KMT2A: variants seen among roughly 807,000 people sequenced by gnomAD.
The protein encoded by KMT2A is lysine methyltransferase 2A, also known as histone-lysine N-methyltransferase 2A.
A neutral mutation model predicts 345.3 loss-of-function variants in KMT2A; 16 were observed. That is an observed-to-expected ratio of 0.05 (90% CI 0.03 to 0.07). KMT2A has a LOEUF of 0.07. Among genes scored for constraint, KMT2A ranks in the 10% least tolerant of loss-of-function variants. KMT2A has a pLI of 1.00. For synonymous variants in KMT2A, 1,599 were observed against 1,778.6 expected (o/e 0.90, Z 2.54); for missense variants, 3,272 against 4,841.6 (o/e 0.68, Z 9.62).
At position 118,491,546 on chromosome 11, in the gene KMT2A, CAAT is replaced by C. The variant is rs1205048349; in HGVS notation, c.4820-195_4820-193del. On this transcript the variant is annotated intron_variant, in intron 14 of 35. Coordinates refer to ENST00000534358, the MANE Select transcript of KMT2A (RefSeq NM_001197104.2). The surrounding 1 kb of genome is among the most constrained non-coding windows in gnomAD (Gnocchi z 4.2). The stretch of plus-strand genomic sequence containing the variant: ...TTTGTGTGTTCCATAACCTGATTCT[CAAT>C]AACCAAATTCAGGATTAGTGTTAAT... 2.0e-5 allele frequency among the ~76,000 whole-genome samples: 3 copies of C among 152,158 alleles called. No individual in the cohort carries two copies. Among genetic ancestry groups the C allele is most frequent in the Admixed American group, 2.0e-4 (3 of 15,276 alleles).
At chr11:118,459,700 C>T (rs1441198364) in intron 1 of KMT2A, among the ~76,000 whole-genome samples, 3 of 151,344 alleles carry the variant, frequency 2.0e-5, no homozygotes, top group African/African-American at 7.3e-5. Context: ...GAGTCTTGCT[C>T]CGTTGCCCAG....
At chr11:118,478,675 T>C (rs921693556) in intron 5 of KMT2A, among the ~76,000 whole-genome samples, 1 of 152,234 alleles carries the variant, frequency 6.6e-6, no homozygotes, top group Admixed American at 6.5e-5. Flanking sequence ...CCAACAAAAT[T>C]ATGACAATTC....
chr11:118,512,878 T>C (rs913310242), intron 31 of KMT2A, among the ~76,000 whole-genome samples: 8 of 152,096 alleles, frequency 5.3e-5, no homozygotes, highest in African/African-American at 1.9e-4. Flanking sequence ...TTACCATTGG[T>C]ATTAGACTTC....
chr11:118,440,062 T>C (rs2134166109), intron 1 of KMT2A, among the ~76,000 whole-genome samples: 1 of 152,330 alleles, frequency 6.6e-6, no homozygotes, highest in African/African-American at 2.4e-5. Flanking sequence ...TCAAGTCTTA[T>C]CTGGATTCAT....
At chr11:118,457,152 A>G (rs1949659374) in intron 1 of KMT2A, among the ~76,000 whole-genome samples, 1 of 151,532 alleles carries the variant, frequency 6.6e-6, no homozygotes, top group Admixed American at 6.6e-5. Context: ...CTCTCCTACC[A>G]GAGTCACTAA....
At position 118,472,895 on chromosome 11, in the gene KMT2A, C is replaced by G. The variant is rs1367650726; in HGVS notation, c.1736C>G (p.Ser579Cys). 1 of 1,613,998 alleles carries G rather than the reference C, an allele frequency of 6.2e-7. No homozygotes were observed. Among genetic ancestry groups the G allele is most frequent in the African/African-American group, 1.3e-5 (1 of 74,884 alleles). Residue 579 changes from serine to cysteine, a missense_variant, in exon 3 of 36, where the codon TCT (serine) becomes TGT (cysteine). Around this residue, in one of 27 missense-constraint regions of KMT2A, gnomAD observed 180 missense variants for 190.7 expected, o/e 0.94. Coordinates refer to ENST00000534358, the MANE Select transcript of KMT2A (RefSeq NM_001197104.2). ...PPPLQPASSI[S>C]DHTPWLMPPT... ...CCACTGCAGCCAGCCTCCAGTATCT[C>G]TGACCACACACCTTGGCTTATGCCT... is the stretch of plus-strand genomic sequence containing the variant.
At chr11:118,455,454 T>G (rs1555030504) in intron 1 of KMT2A, among the ~76,000 whole-genome samples, 1 of 152,158 alleles carries the variant, frequency 6.6e-6, no homozygotes. Flanking sequence ...ACTTCACAGT[T>G]AATGCCTTCT....
intron 31 of KMT2A, among the ~76,000 whole-genome samples, chr11:118,513,982 C>T (rs1415788106): frequency 6.7e-6 from 1 of 149,712 alleles, no homozygotes; most frequent in African/African-American, 2.5e-5. Context: ...AAGTCTTGCT[C>T]ATAATTTTTA....
In KMT2A at chr11:118,521,837, G is replaced by A; in HGVS notation, c.11644-60G>A. On this transcript the variant is annotated intron_variant, in intron 35 of 35. Transcript: ENST00000534358. The surrounding 1 kb of genome is among the most constrained non-coding windows in gnomAD (Gnocchi z 5.3). ...TAACATCAAGAGAAGATTGGGACAT[G>A]TTCTTAAAGCTGAGTTTATAAGAAA... The A allele has an allele frequency of 2.6e-6, 4 of 1,550,618 alleles. No individual in the cohort carries two copies. The highest frequency in any genetic ancestry group is 3.5e-6 in the Non-Finnish European group (4 of 1,130,488).
At chr11:118,478,311 A>G (rs1287075978) in intron 5 of KMT2A, 110 bp downstream of exon 5, 1 of 801,594 alleles carries the variant, frequency 1.2e-6, no homozygotes, top group African/African-American at 1.7e-5. Flanking sequence ...GTTGTAATTG[A>G]GTTGCAAGAC....
rs2134413175 is a variant in KMT2A at position 118,506,389 on chromosome 11, G to A, written c.10497G>A (p.Glu3499=). The change falls in exon 27 of 36, where the codon GAG becomes GAA. Residue 3499 remains glutamate (E), a synonymous_variant. Coordinates refer to ENST00000534358, the MANE Select transcript of KMT2A (RefSeq NM_001197104.2). The part of the protein sequence containing the change: ...TVDAPNSMGL[E]QNKALSSAVQ... ...ACGCTCCTAATAGCATGGGACTGGAGCAGAACAAGGCTTTATCCTCAGCTG... is the reference window on the plus strand; with the variant it reads ...ACGCTCCTAATAGCATGGGACTGGAACAGAACAAGGCTTTATCCTCAGCTG... 1 of 1,614,174 alleles carries A rather than the reference G, an allele frequency of 6.2e-7. No individual in the cohort carries two copies. Among genetic ancestry groups the A allele is most frequent in the Non-Finnish European group, 8.5e-7 (1 of 1,180,032 alleles).
intron 12 of KMT2A, 28 bp downstream of exon 12, chr11:118,489,915 T>TCC (rs782612837): frequency 1.3e-6 from 2 of 1,583,328 alleles, no homozygotes; most frequent in Non-Finnish European, 1.7e-6. Context: ...TGCTCTTTTA[T>TCC]AGAGAACCAC....
At chr11:118,461,654 G>A (rs1555032691) in intron 1 of KMT2A, among the ~76,000 whole-genome samples, 1 of 152,176 alleles carries the variant, frequency 6.6e-6, no homozygotes, top group Non-Finnish European at 1.5e-5. Flanking sequence ...GTTCCCAGGA[G>A]TCCCTAGTCA....
At chr11:118,487,581 C>T (rs1247826079) in intron 10 of KMT2A, among the ~76,000 whole-genome samples, 1 of 152,150 alleles carries the variant, frequency 6.6e-6, no homozygotes, top group Non-Finnish European at 1.5e-5. Flanking sequence ...AATACATATA[C>T]ACATTTTACC....
At chr11:118,449,450 G>A (rs1949486510) in intron 1 of KMT2A, 2 of 149,988 alleles carry the variant, frequency 1.3e-5, no homozygotes, top group African/African-American at 4.9e-5. Flanking sequence ...CAAGCATGGT[G>A]GCCTGGCGCC....
At position 118,474,048 on chromosome 11, in the gene KMT2A, G is replaced by C. The variant is rs782604149; in HGVS notation, c.2889G>C (p.Lys963Asn). ...TTAVKTKILIKKGRGNLEKTN... is the reference protein window; with the variant it reads ...TTAVKTKILINKGRGNLEKTN... ...CTGTCAAAACCAAAATACTTATAAA[G>C]AAAGGGAGAGGAAATCTGGAAAAAA... The change falls in exon 3 of 36, where the codon AAG (lysine) becomes AAC (asparagine). Residue 963 changes from lysine (K) to asparagine (N), a missense_variant. This residue lies in a region of KMT2A where 209 missense variants were observed against 237.4 expected (regional missense o/e 0.88). Coordinates refer to ENST00000534358, the MANE Select transcript of KMT2A (RefSeq NM_001197104.2). 2.5e-6 allele frequency: 4 copies of C among 1,613,838 alleles called. No homozygotes were observed. The Admixed American group carries it at 6.7e-5, about 27-fold the overall frequency.
chr11:118,469,142 TC>T (rs1565276512), intron 2 of KMT2A, among the ~76,000 whole-genome samples: 1 of 58,802 alleles, frequency 1.7e-5, no homozygotes, highest in Non-Finnish European at 3.5e-5. Flanking sequence ...CCCTCCCCCC[TC>T]CCCCCAGCTA....
chr11:118,448,653 G>C (rs1470388406), intron 1 of KMT2A: 4 of 152,106 alleles, frequency 2.6e-5, no homozygotes, highest in African/African-American at 7.2e-5. Context: ...TACTGGAATT[G>C]TGTATGAATT....
chr11:118,501,033 G>A lies in KMT2A; in HGVS notation c.6205G>A (p.Val2069Ile). 1 of 1,614,124 alleles carries A rather than the reference G, an allele frequency of 6.2e-7. No homozygotes were observed. The change falls in exon 25 of 36, where the codon GTA (valine) becomes ATA (isoleucine). Residue 2069 changes from valine (V) to isoleucine (I), a missense_variant. Val to Ile is a conservative substitution (Grantham distance 29). Around this residue, in one of 27 missense-constraint regions of KMT2A, gnomAD observed 235 missense variants for 503.4 expected, o/e 0.47. Transcript: ENST00000534358. ...CACCACAGATGCTCGCAAGCGCTGT[G>A]TATATACATGCAAGATAGTGGAGTG... Reference protein sequence around the residue: ...WSTTDARKRCVYTCKIVECRP... With the variant: ...WSTTDARKRCIYTCKIVECRP...
Sources: gnomAD v4.1 joint callset for allele counts (sites outside exome capture counted in the v4.1 genomes callset) on GRCh38, gnomAD v4.1.1 for gene constraint, gnomAD v4.1.1 regional missense constraint, Gnocchi (gnomAD v3.1) non-coding constraint, MANE v1.5 for transcripts, NCBI Gene and HGNC (gene_info 2026-07-23, HGNC 2026-07-21) for gene names.